B9D1: variants seen among roughly 807,000 people sequenced by gnomAD.
The protein encoded by B9D1 is B9 domain containing 1.
Under a neutral mutation model 26.1 loss-of-function variants are expected in B9D1, and 20 were observed. That is an observed-to-expected ratio of 0.77 (90% confidence interval 0.54 to 1.12). The LOEUF is 1.12. Among genes scored for constraint, B9D1 ranks in the 50% most tolerant of loss-of-function variants. B9D1 has a pLI of 0.00. For missense variants in B9D1, 260 were observed against 273.7 expected (o/e 0.95, Z 0.35); for synonymous variants, 105 against 103.1 (o/e 1.02, Z -0.11).
rs771494755 is a variant in B9D1 at position 19,343,392 on chromosome 17, A to G, written c.542T>C (p.Leu181Pro). The change falls in exon 7 of 7, where the codon CTG becomes CCG. Residue 181 changes from leucine (L) to proline (P), a missense_variant. Physicochemically the swap from Leu to Pro is moderately conservative, Grantham distance 98. Coordinates refer to ENST00000261499, the MANE Select transcript of B9D1 (RefSeq NM_015681.6). ...FNVVTKDMRK[L>P]GYDTGPSDTQ... ...ATCAGAAGGCCCAGTGTCATAGCCCAGTTTCCTCATGTCCTTGGTCACCAC... is the reference window on the plus strand; with the variant it reads ...ATCAGAAGGCCCAGTGTCATAGCCCGGTTTCCTCATGTCCTTGGTCACCAC... 3.1e-6 allele frequency: 5 copies of G among 1,614,052 alleles called. No homozygotes were observed. The African/African-American group carries it at 6.7e-5, about 22-fold the overall frequency.
At chr17:19,360,542 A>T (rs1910915368) in intron 1 of B9D1, among the ~76,000 whole-genome samples, 154 bp from the exon 2 acceptor site, 1 of 152,164 alleles carries the variant, frequency 6.6e-6, no homozygotes, top group Admixed American at 6.5e-5. Context: ...GAGGCTGAGG[A>T]CCAAGAAGCG....
chr17:19,371,824 A>G (rs1427660573), intron 1 of B9D1, among the ~76,000 whole-genome samples: 1 of 152,174 alleles, frequency 6.6e-6, no homozygotes, highest in Non-Finnish European at 1.5e-5. Flanking sequence ...CCTGCCCTTC[A>G]GAGTGTGGGC....
At chr17:19,342,201 A>G (rs1451705230), downstream of B9D1, among the ~76,000 whole-genome samples, 2 of 152,196 alleles carry the variant, frequency 1.3e-5, no homozygotes, top group African/African-American at 2.4e-5. Context: ...CAGTAAGGCC[A>G]GAAGGCAGAG....
At chr17:19,344,159 A>G (rs1908383278) in intron 5 of B9D1, among the ~76,000 whole-genome samples, 1 of 152,110 alleles carries the variant, frequency 6.6e-6, no homozygotes, top group South Asian at 2.1e-4. Context: ...ACTGGGAATG[A>G]GAGCTCAGGA....
At chr17:19,354,011 T>C (rs1168403865) in intron 3 of B9D1, among the ~76,000 whole-genome samples, 4 of 152,214 alleles carry the variant, frequency 2.6e-5, no homozygotes, top group Non-Finnish European at 4.4e-5. Flanking sequence ...TCCATGACTT[T>C]AACTGCCCCC....
intron 5 of B9D1, among the ~76,000 whole-genome samples, chr17:19,344,077 T>C (rs1908366450): frequency 6.6e-6 from 1 of 152,242 alleles, no homozygotes; most frequent in South Asian, 2.1e-4. Flanking sequence ...CCAGGCCTCA[T>C]GTGCTCTGCA....
At position 19,360,179 on chromosome 17, in the gene B9D1, C is replaced by A; in HGVS notation, c.132+141G>T. The A allele has an allele frequency of 3.8e-6, 3 of 794,626 alleles. No homozygotes were observed. In the South Asian group the frequency reaches 4.4e-5, roughly 12 times the overall value. 49.2% of individuals were successfully genotyped at this position (794,626 alleles called of 1,614,324 possible). ...GGCTGTGTCCTCTGCTCCCGCTTTACCAGGAACACTCATGTTTGGGTTCCC... is the reference window on the plus strand; with the variant it reads ...GGCTGTGTCCTCTGCTCCCGCTTTAACAGGAACACTCATGTTTGGGTTCCC... On this transcript the variant is annotated intron_variant, in intron 2 of 6. Coordinates refer to ENST00000261499, the MANE Select transcript of B9D1 (RefSeq NM_015681.6).
downstream of B9D1, chr17:19,337,524 A>G (rs1907545673): frequency 1.8e-6 from 1 of 552,822 alleles, no homozygotes; most frequent in Non-Finnish European, 3.3e-6. Context: ...GACAAGCTTG[A>G]CTCAGAGCTA....
At chr17:19,335,998 C>T (rs1337737167), downstream of B9D1, 1 of 152,608 alleles carries the variant, frequency 6.6e-6, no homozygotes, top group Non-Finnish European at 1.5e-5. Context: ...CTGCCAGCCC[C>T]TCTCTGGTTC....
At chr17:19,341,676 G>C (rs1336456622), downstream of B9D1, among the ~76,000 whole-genome samples, 1 of 152,228 alleles carries the variant, frequency 6.6e-6, no homozygotes, top group Non-Finnish European at 1.5e-5. Context: ...GGGAAACACA[G>C]ACCTGGGCCA....
rs955707928 is a variant in B9D1, at chr17:19,343,941, G to A, written c.405-84C>T. The stretch of plus-strand genomic sequence containing the variant: ...ACGACACTGGATGTGGGCTCTCCTC[G>A]GTTCAGAAACCAGCACTCTTGTTCC... On this transcript the variant is annotated intron_variant, in intron 5 of 6. Coordinates refer to ENST00000261499, the MANE Select transcript of B9D1 (RefSeq NM_015681.6). 68 of 1,590,890 alleles carry A rather than the reference G, an allele frequency of 4.3e-5. No individual in the cohort carries two copies. In the East Asian group the frequency reaches 5.7e-4, roughly 13 times the overall value.
chr17:19,335,623 G>C (rs1473395370), downstream of B9D1: 1 of 575,730 alleles, frequency 1.7e-6, no homozygotes. Flanking sequence ...ACAGGGGTGG[G>C]GGGCTAAGGG....
chr17:19,342,927 A>G (rs1033017538), downstream of B9D1: 7 of 290,702 alleles, frequency 2.4e-5, no homozygotes, highest in Non-Finnish European at 3.4e-5. Context: ...TGCCATGCCC[A>G]GTTAGTTCAA....
intron 3 of B9D1, among the ~76,000 whole-genome samples, chr17:19,351,725 C>A (rs1182959770): frequency 6.6e-6 from 1 of 152,102 alleles, no homozygotes; most frequent in East Asian, 1.9e-4. Context: ...ATTCTTATTC[C>A]TTTTTTGCAG....
At chr17:19,368,734 C>T (rs1911725030) in intron 1 of B9D1, among the ~76,000 whole-genome samples, 1 of 151,992 alleles carries the variant, frequency 6.6e-6, no homozygotes, top group African/African-American at 2.4e-5. Flanking sequence ...CATTCGAGCC[C>T]AGAAGTTCAA....
At chr17:19,376,158 G>C (rs9914861) in intron 1 of B9D1, among the ~76,000 whole-genome samples, 1,671 of 152,242 alleles carry the variant, frequency 0.011, 24 homozygotes, top group African/African-American at 0.036. Context: ...TCCACAATAC[G>C]CAAGTCCATA....
upstream of B9D1, chr17:19,362,767 A>T: frequency 1.1e-3 from 951 of 885,648 alleles, no homozygotes; most frequent in Middle Eastern, 1.4e-3. Context: ...GCGGGGCACA[A>T]GGGGCGGGGA....
chr17:19,343,232 A>G lies in B9D1; in HGVS notation c.*87T>C. The G allele has an allele frequency of 1.9e-6, 3 of 1,602,536 alleles. No homozygotes were observed. The highest frequency in any genetic ancestry group is 2.6e-6 in the Non-Finnish European group (3 of 1,175,858). ...ATTCTGTGTGCCCCCAGCTCTGGCC[A>G]CCAGGCTGCCCCTCAGGCCGATGGG... On this transcript the variant is annotated 3_prime_UTR_variant, in exon 7 of 7. Coordinates refer to ENST00000261499, the MANE Select transcript of B9D1 (RefSeq NM_015681.6).
chr17:19,344,075 CAT>C (rs1908365958), intron 5 of B9D1, among the ~76,000 whole-genome samples: 1 of 152,232 alleles, frequency 6.6e-6, no homozygotes. Flanking sequence ...AGCCAGGCCT[CAT>C]GTGCTCTGCA....
Sources: gnomAD v4.1 joint callset for allele counts (sites outside exome capture counted in the v4.1 genomes callset) on GRCh38, gnomAD v4.1.1 for gene constraint, MANE v1.5 for transcripts, NCBI Gene and HGNC (gene_info 2026-07-23, HGNC 2026-07-21) for gene names.